Variants in BEND2 observed in about 807,000 individuals in gnomAD.
BEND2 encodes the protein BEN domain containing 2, also known as BEN domain-containing protein 2.
BEND2 carries 19 observed loss-of-function variants against 43.8 expected under a neutral mutation model. That is an observed-to-expected ratio of 0.43 (90% confidence interval 0.30 to 0.64). The LOEUF (loss-of-function observed/expected upper bound fraction) is 0.64. BEND2 is among the 30% of genes least tolerant of loss of function. BEND2 has a pLI of 0.11. For synonymous variants in BEND2, 226 were observed against 210.1 expected, an observed-to-expected ratio of 1.08 and a Z score of -0.66; for missense variants, 544 against 574.0, an observed-to-expected ratio of 0.95 and a Z score of 0.53.
chrX:18,204,053 T>A, intron 4 of BEND2, 138 bp from the exon 5 acceptor site: 1 of 502,450 alleles, frequency 2.0e-6, no homozygotes, highest in Non-Finnish European at 3.1e-6. Flanking sequence ...CCAGTATAAG[T>A]CAACTGTAAC....
rs1354919883 is a variant in BEND2, at chrX:18,182,078, A to C, written c.1289-1428T>G. Among the ~76,000 whole-genome samples, 3 of 111,951 alleles carry C rather than the reference A, an allele frequency of 2.7e-5. No individual in the cohort carries two copies. In the East Asian group the frequency reaches 8.4e-4, roughly 31 times the overall value. On this transcript the variant is annotated intron_variant, in intron 8 of 13. Coordinates refer to ENST00000380033, the MANE Select transcript of BEND2 (RefSeq NM_153346.5). ...AATAACATAAGTAGATTAAAAGTAAAAGAATGAAAAATATATACCATGTGA... is the reference window on the plus strand; with the variant it reads ...AATAACATAAGTAGATTAAAAGTAACAGAATGAAAAATATATACCATGTGA...
rs776714254 is a variant in BEND2, at chrX:18,171,191, T to A, written c.1995A>T (p.Arg665Ser). 1.7e-6 allele frequency: 2 copies of A among 1,203,748 alleles called. No individual in the cohort carries two copies. Among genetic ancestry groups the A allele is most frequent in the South Asian group, 3.5e-5 (2 of 56,458 alleles). The change falls in exon 13 of 14, where the codon AGA (arginine) becomes AGT (serine). Residue 665 changes from arginine (R) to serine (S), a missense_variant. Transcript: ENST00000380033. The part of the protein sequence containing the change: ...EPGEAWSYFG[R>S]PWRNIRMPCS... ...ATGGCATCCGTATATTTCTCCATGGTCTTCCAAAATAGCCTAGAAGCAAAA... is the reference window on the plus strand; with the variant it reads ...ATGGCATCCGTATATTTCTCCATGGACTTCCAAAATAGCCTAGAAGCAAAA...
intron 13 of BEND2, among the ~76,000 whole-genome samples, chrX:18,166,983 T>TA (rs1923840870): frequency 9.0e-6 from 1 of 111,418 alleles, no homozygotes; most frequent in African/African-American, 3.3e-5. Flanking sequence ...CGTTTGACTT[T>TA]AAAAGTATTT....
chrX:18,208,553 A>G (rs1390284731), intron 4 of BEND2, among the ~76,000 whole-genome samples: 3 of 111,499 alleles, frequency 2.7e-5, no homozygotes, highest in Non-Finnish European at 3.8e-5. Flanking sequence ...TAAGCACTAT[A>G]AAAAGAACAG....
chrX:18,175,540 C>G (rs888799589), intron 11 of BEND2, among the ~76,000 whole-genome samples: 2 of 111,821 alleles, frequency 1.8e-5, no homozygotes, highest in Non-Finnish European at 3.8e-5. Flanking sequence ...GTTTATTTCA[C>G]CAAGTTCCAT....
intron 6 of BEND2, among the ~76,000 whole-genome samples, 164 bp downstream of exon 6, chrX:18,201,651 C>T (rs961734055): frequency 1.9e-5 from 2 of 107,255 alleles, no homozygotes; most frequent in African/African-American, 6.8e-5. Context: ...GCCACCACAC[C>T]CGGCTAATTT....
At position 18,201,927 on chromosome X, in the gene BEND2, T is replaced by A. The variant is rs750498898; in HGVS notation, c.921A>T (p.Arg307Ser). The change falls in exon 6 of 14, where the codon AGA (arginine) becomes AGT (serine). Residue 307 changes from arginine to serine, a missense_variant. Arg to Ser is a moderately radical substitution (Grantham distance 110). Transcript: ENST00000380033. ...TGCTGTTTTTACTGCTGTTTGCTGGTCTTTCTGGCATTTCTGTAAATAAAA... is the reference window on the plus strand; with the variant it reads ...TGCTGTTTTTACTGCTGTTTGCTGGACTTTCTGGCATTTCTGTAAATAAAA... Reference protein sequence around the residue: ...CFHPNLEMPERPANSSKNSTE... With the variant: ...CFHPNLEMPESPANSSKNSTE... The A allele has an allele frequency of 1.7e-6, 2 of 1,206,201 alleles. No individual in the cohort carries two copies. The highest frequency in any genetic ancestry group is 2.2e-6 in the Non-Finnish European group (2 of 893,978).
At chrX:18,198,506 A>G (rs1238045541) in intron 6 of BEND2, among the ~76,000 whole-genome samples, 5 of 111,678 alleles carry the variant, frequency 4.5e-5, no homozygotes, top group East Asian at 5.6e-4. Context: ...ACAATGAGAT[A>G]CCATCTCACA....
At chrX:18,198,926 A>T (rs1422186762) in intron 6 of BEND2, among the ~76,000 whole-genome samples, 2 of 106,387 alleles carry the variant, frequency 1.9e-5, no homozygotes, top group Non-Finnish European at 3.9e-5. Flanking sequence ...ATTGGAAATC[A>T]TCATTCTCAG....
intron 13 of BEND2, among the ~76,000 whole-genome samples, chrX:18,167,595 ACT>A (rs1365972052): frequency 3.6e-5 from 4 of 111,026 alleles, no homozygotes; most frequent in Non-Finnish European, 7.6e-5. Context: ...ACAGGGTCTC[ACT>A]CTGTCACCCA....
intron 12 of BEND2, among the ~76,000 whole-genome samples, chrX:18,173,660 G>A (rs1461807825): frequency 2.7e-5 from 3 of 111,141 alleles, no homozygotes; most frequent in Admixed American, 9.6e-5. Flanking sequence ...TGAGATTCAC[G>A]AATTCGTGCC....
intron 12 of BEND2, 95 bp from the exon 13 acceptor site, chrX:18,171,299 T>G: frequency 2.1e-6 from 2 of 950,920 alleles, no homozygotes; most frequent in Non-Finnish European, 2.9e-6. Context: ...TTTTCTCAAT[T>G]GTTAGGCTCA....
intron 1 of BEND2, among the ~76,000 whole-genome samples, chrX:18,217,264 T>A (rs1033592420): frequency 2.0e-4 from 22 of 112,668 alleles, no homozygotes; most frequent in Non-Finnish European, 3.7e-4. Context: ...ATGTGAAATA[T>A]CAACTAGGTA....
At position 18,180,765 on chromosome X, in the gene BEND2, G is replaced by C. The variant is rs144767091; in HGVS notation, c.1289-115C>G. ...AAACTAAAAAGATTTGTTGCCAGCA[G>C]ACCTACTCTTTTTTTTTTTCTTTCT... On this transcript the variant is annotated intron_variant, in intron 8 of 13. Transcript: ENST00000380033. The C allele has an allele frequency of 3.0e-3, 1,554 of 518,565 alleles. 18 individuals carry two copies. The African/African-American group carries it at 0.035, about 12-fold the overall frequency. The allele number at this position is 518,565 out of a possible 1,213,427, so 42.7% of individuals were successfully genotyped here.
At chrX:18,204,528 T>C (rs1311553964) in intron 4 of BEND2, among the ~76,000 whole-genome samples, 2 of 112,479 alleles carry the variant, frequency 1.8e-5, no homozygotes, top group African/African-American at 3.2e-5. Flanking sequence ...CTAAATTCTA[T>C]TATATTTAAA....
intron 8 of BEND2, among the ~76,000 whole-genome samples, chrX:18,189,352 A>G (rs1018307378): frequency 9.0e-6 from 1 of 110,547 alleles, no homozygotes; most frequent in Non-Finnish European, 1.9e-5. Context: ...TACAAAAAAA[A>G]TTTAAAAATT....
At chrX:18,190,269 C>T (rs1263901121) in intron 8 of BEND2, among the ~76,000 whole-genome samples, 2 of 111,532 alleles carry the variant, frequency 1.8e-5, no homozygotes, top group Non-Finnish European at 3.8e-5. Flanking sequence ...CACACAAAAA[C>T]CTGTACTCTG....
At chrX:18,208,577 A>T (rs1334458382) in intron 4 of BEND2, among the ~76,000 whole-genome samples, 1 of 111,579 alleles carries the variant, frequency 9.0e-6, no homozygotes, top group East Asian at 2.8e-4. Context: ...AAATATTTAT[A>T]TTTTTAAATT....
chrX:18,197,429 G>A (rs374384324), intron 6 of BEND2, among the ~76,000 whole-genome samples: 13 of 111,156 alleles, frequency 1.2e-4, no homozygotes, highest in East Asian at 8.4e-4. Flanking sequence ...GTGAGACTCC[G>A]CCTCAAAAAA....
Sources: allele counts gnomAD v4.1 joint callset (sites outside exome capture counted in the v4.1 genomes callset), GRCh38; gene constraint gnomAD v4.1.1; transcripts MANE v1.5; gene names NCBI Gene and HGNC (gene_info 2026-07-23, HGNC 2026-07-21).